OCRL: variants seen among roughly 807,000 people sequenced by gnomAD.
OCRL encodes the protein inositol polyphosphate 5-phosphatase OCRL.
OCRL carries 8 observed loss-of-function variants against 78.9 expected under a neutral mutation model. That is an observed-to-expected ratio of 0.10 (90% confidence interval 0.06 to 0.18). OCRL has a LOEUF of 0.18. Among genes scored for constraint, OCRL ranks in the 10% least tolerant of loss-of-function variants. OCRL has a pLI of 1.00. For missense variants in OCRL, 454 were observed against 696.7 expected (o/e 0.65, Z 3.92); for synonymous variants, 240 against 235.4 (o/e 1.02, Z -0.18).
rs1312488743 is a variant in OCRL, at chrX:129,589,000, G to C, written c.2456G>C (p.Arg819Pro). 11 of 1,209,922 alleles carry C rather than the reference G, an allele frequency of 9.1e-6. No homozygotes were observed. The highest frequency in any genetic ancestry group is 1.7e-5 in the African/African-American group (1 of 57,229). Residue 819 changes from arginine (R) to proline (P), a missense_variant, in exon 22 of 24, where the codon CGG becomes CCG. This residue lies in a region of OCRL where 277 missense variants were observed against 517.1 expected (regional missense o/e 0.54). Coordinates refer to ENST00000371113, the MANE Select transcript of OCRL (RefSeq NM_000276.4). Reference sequence around the variant, plus strand: ...TGTCTTGACTCTGCTTATGATCCCCGGATCTGCCGACAGGTGGGTTCTACT... The same window carrying C: ...TGTCTTGACTCTGCTTATGATCCCCCGATCTGCCGACAGGTGGGTTCTACT... ...QRCLDSAYDP[R>P]ICRQVISQLP...
intron 18 of OCRL, among the ~76,000 whole-genome samples, chrX:129,577,530 G>A (rs1189935100): frequency 9.0e-6 from 1 of 111,720 alleles, no homozygotes; most frequent in East Asian, 2.8e-4. Context: ...CTTACCATTA[G>A]TATTCACATG....
At chrX:129,586,220 C>G (rs1936510611) in intron 19 of OCRL, among the ~76,000 whole-genome samples, 1 of 111,980 alleles carries the variant, frequency 8.9e-6, no homozygotes. Context: ...TTTTCTCTTA[C>G]AAAATTCTTT....
chrX:129,555,109 G>A (rs1936023479), intron 4 of OCRL, among the ~76,000 whole-genome samples: 1 of 110,518 alleles, frequency 9.0e-6, no homozygotes, highest in East Asian at 2.8e-4. Flanking sequence ...GAAACTACGA[G>A]TGCCTGGGCT....
intron 6 of OCRL, 143 bp from the exon 7 acceptor site, chrX:129,558,485 CTCCAA>C (rs1472272607): frequency 1.4e-5 from 9 of 648,105 alleles, no homozygotes; most frequent in East Asian, 3.3e-5. Flanking sequence ...CTTCTTCGAA[CTCCAA>C]TCCAAGTAAT....
Position 129,540,352 on chromosome X carries a change from C to T in OCRL, c.-88C>T, listed in dbSNP as rs1260139768. The T allele has an allele frequency of 6.0e-6, 6 of 1,006,211 alleles. No homozygotes were observed. In the East Asian group the frequency reaches 1.3e-4, roughly 23 times the overall value. The allele number at this position is 1,006,211 out of a possible 1,213,427, so 82.9% of individuals were successfully genotyped here. A position where few individuals can be genotyped will look rare whatever the true frequency, so the allele number is the denominator to read the frequency against. ...GAGCTGTTCCTCAAACGACACGCAG[C>T]CGAGGTGGGTGGGTGTGGGGACGCG... On this transcript the variant is annotated 5_prime_UTR_variant, in exon 1 of 24. Transcript: ENST00000371113.
At chrX:129,547,084 C>T (rs1478650688) in intron 3 of OCRL, among the ~76,000 whole-genome samples, 1 of 110,834 alleles carries the variant, frequency 9.0e-6, no homozygotes, top group Non-Finnish European at 1.9e-5. Flanking sequence ...ACAACATTTG[C>T]CAGACGTGGT....
chrX:129,576,220 A>AT, intron 17 of OCRL, 97 bp from the exon 18 acceptor site: 2 of 955,880 alleles, frequency 2.1e-6, no homozygotes, highest in Non-Finnish European at 3.0e-6. Context: ...TTGCTTAATG[A>AT]TTTTTTTAGA....
rs1378041003 is a variant in OCRL at position 129,569,385 on chromosome X, C to G, written c.1588C>G (p.Leu530Val). Residue 530 changes from leucine (L) to valine (V), a missense_variant, in exon 15 of 24, where the codon CTC becomes GTC. By Grantham distance (32) the Leu-to-Val change is conservative. Transcript: ENST00000371113. ...KTSDHKPVSA[L>V]FHIGVKVVDE... ...CAGCGACCACAAGCCTGTTAGCGCC[C>G]TCTTCCATATTGGGGTAAACACTTG... 8.3e-7 allele frequency: 1 copy of G among 1,209,061 alleles called. No homozygotes were observed. The highest frequency in any genetic ancestry group is 3.0e-5 in the East Asian group (1 of 33,785).
rs138114844 is a variant in OCRL, at chrX:129,570,194, G to A, written c.1602+795G>A. On this transcript the variant is annotated intron_variant, in intron 15 of 23. Transcript: ENST00000371113. Reference sequence around the variant, plus strand: ...AGCCAGTACATTTAGGTTATTTCTTGTGGATTTTTCAGATCTACAGCCCTA... The same window carrying A: ...AGCCAGTACATTTAGGTTATTTCTTATGGATTTTTCAGATCTACAGCCCTA... Among the ~76,000 whole-genome samples the A allele has an allele frequency of 7.9e-3, 885 of 111,801 alleles. 2 individuals are homozygous for A. Among genetic ancestry groups the A allele is most frequent in the Non-Finnish European group, 0.014 (724 of 53,164 alleles).
At chrX:129,587,490 C>A (rs1936528936) in intron 20 of OCRL, among the ~76,000 whole-genome samples, 1 of 110,784 alleles carries the variant, frequency 9.0e-6, no homozygotes, top group Admixed American at 9.7e-5. Context: ...GATTTTAAAC[C>A]CATTTTTTAA....
At position 129,590,202 on chromosome X, in the gene OCRL, A is replaced by G. The variant is rs1461441529; in HGVS notation, c.2638A>G (p.Thr880Ala). The G allele has an allele frequency of 1.7e-6, 2 of 1,210,542 alleles. No individual in the cohort carries two copies. Among genetic ancestry groups the G allele is most frequent in the South Asian group, 3.5e-5 (2 of 56,911 alleles). The change falls in exon 24 of 24, where the codon ACT becomes GCT. Residue 880 changes from threonine (T) to alanine (A), a missense_variant. Transcript: ENST00000371113. ...RPPPNLMARQTPSDRQRAIQF... is the reference protein window; with the variant it reads ...RPPPNLMARQAPSDRQRAIQF... ...TCCACCCAACCTTATGGCAAGACAGACTCCAAGTGACCGCCAGCGTGCTAT... is the reference window on the plus strand; with the variant it reads ...TCCACCCAACCTTATGGCAAGACAGGCTCCAAGTGACCGCCAGCGTGCTAT...
chrX:129,588,307 A>G lies in OCRL; in HGVS notation c.2341+44A>G, dbSNP rs1159042. On this transcript the variant is annotated intron_variant, in intron 21 of 23. Transcript: ENST00000371113. ...GCTTAAGAAGCTGGATGAGTACTTG[A>G]TCAAACTCTTCTTCGCACCTATATT... The G allele has an allele frequency of 0.1, 93,723 of 916,159 alleles. 18,439 individuals carry two copies. The highest frequency in any genetic ancestry group is 0.73 in the African/African-American group (37,873 of 51,788). The allele number at this position is 916,159 out of a possible 1,213,427, so 75.5% of individuals were successfully genotyped here. A position where few individuals can be genotyped will look rare whatever the true frequency, so the allele number is the denominator to read the frequency against.
chrX:129,576,267 T>C, intron 17 of OCRL, 50 bp from the exon 18 acceptor site: 1 of 1,109,712 alleles, frequency 9.0e-7, no homozygotes. Context: ...TCTTTTTTGC[T>C]TTCCCACTGG....
chrX:129,551,320 C>G (rs1289041127), intron 4 of OCRL, among the ~76,000 whole-genome samples: 1 of 111,807 alleles, frequency 8.9e-6, no homozygotes, highest in Non-Finnish European at 1.9e-5. Context: ...TTTTTATGTG[C>G]CAGGAACTAC....
At chrX:129,560,953 G>A (rs917565807) in intron 9 of OCRL, among the ~76,000 whole-genome samples, 1 of 112,470 alleles carries the variant, frequency 8.9e-6, no homozygotes, top group African/African-American at 3.2e-5. Flanking sequence ...TATCCTCTGT[G>A]GGAGGTATTT....
chrX:129,557,718 C>T (rs1377941516), intron 5 of OCRL, 143 bp from the exon 6 acceptor site: 1 of 568,852 alleles, frequency 1.8e-6, no homozygotes, highest in Non-Finnish European at 3.2e-6. Flanking sequence ...GAGCTGCCCT[C>T]ATTTCCTTAG....
intron 15 of OCRL, among the ~76,000 whole-genome samples, chrX:129,574,730 C>T (rs973821365): frequency 7.1e-5 from 8 of 112,386 alleles, no homozygotes; most frequent in African/African-American, 9.7e-5. Context: ...TACCAAATAA[C>T]TTAACAATGA....
Position 129,562,736 on chromosome X carries a change from T to C in OCRL, c.1194T>C (p.Ser398=), listed in dbSNP as rs1259301081. ...QDYKDICARM[S]FVVPNQTLPQ... ...ATAAGGACATTTGTGCGAGAATGAGTTTTGTGGTCCCAAATCAGACCCTCC... is the reference window on the plus strand; with the variant it reads ...ATAAGGACATTTGTGCGAGAATGAGCTTTGTGGTCCCAAATCAGACCCTCC... The change falls in exon 12 of 24, where the codon AGT becomes AGC. Residue 398 remains serine (S), a synonymous_variant. Transcript: ENST00000371113. 8.3e-7 allele frequency: 1 copy of C among 1,209,499 alleles called. No individual in the cohort carries two copies. Among genetic ancestry groups the C allele is most frequent in the Non-Finnish European group, 1.1e-6 (1 of 894,994 alleles).
intron 8 of OCRL, 98 bp downstream of exon 8, chrX:129,559,099 A>G: frequency 1.2e-6 from 1 of 812,234 alleles, no homozygotes; most frequent in Non-Finnish European, 1.8e-6. Context: ...AAGAATCAAA[A>G]TATGATAAAA....
Sources: allele counts gnomAD v4.1 joint callset (sites outside exome capture counted in the v4.1 genomes callset), GRCh38; gene constraint gnomAD v4.1.1; regional missense constraint gnomAD v4.1.1; transcripts MANE v1.5; gene names NCBI Gene and HGNC (gene_info 2026-07-23, HGNC 2026-07-21).